IKZF1: variants seen among roughly 807,000 people sequenced by gnomAD.
IKZF1 encodes the protein IKAROS family zinc finger 1, also known as DNA-binding protein Ikaros.
IKZF1 carries 10 observed loss-of-function variants against 51.7 expected under a neutral mutation model. The ratio of observed to expected loss-of-function variants is 0.19; its 90% CI spans 0.12 to 0.33. The LOEUF is 0.33. Ranked by LOEUF, IKZF1 falls within the 10% of genes least tolerant of loss-of-function variation. IKZF1 has a pLI of 1.00. For synonymous variants in IKZF1, 280 were observed against 282.3 expected (o/e 0.99, Z 0.08); for missense variants, 484 against 707.5 (o/e 0.68, Z 3.58).
At chr7:50,344,698 A>T (rs901806600) in intron 3 of IKZF1, among the ~76,000 whole-genome samples, 9 of 152,208 alleles carry the variant, frequency 5.9e-5, no homozygotes, top group African/African-American at 2.2e-4. Context: ...ATCACATAAC[A>T]CAATGCAGTG....
At chr7:50,391,117 C>A (rs1422313305) in intron 6 of IKZF1, among the ~76,000 whole-genome samples, 1 of 152,150 alleles carries the variant, frequency 6.6e-6, no homozygotes, top group African/African-American at 2.4e-5. Context: ...TTGAGAATGA[C>A]TAGAAATGGC....
intron 1 of IKZF1, among the ~76,000 whole-genome samples, chr7:50,309,550 C>A (rs1411892865): frequency 6.6e-6 from 1 of 152,088 alleles, no homozygotes; most frequent in Non-Finnish European, 1.5e-5. Flanking sequence ...TTTTGAATGG[C>A]CTTACACATA....
At chr7:50,395,557 T>G (rs1438961254) in intron 7 of IKZF1, among the ~76,000 whole-genome samples, 1 of 152,220 alleles carries the variant, frequency 6.6e-6, no homozygotes, top group African/African-American at 2.4e-5. Context: ...TCACATTATC[T>G]TATTATTTTT....
chr7:50,403,887 A>G lies in IKZF1; in HGVS notation c.*3260A>G, dbSNP rs2153522692. On this transcript the variant is annotated 3_prime_UTR_variant, in exon 8 of 8. Coordinates refer to ENST00000331340, the MANE Select transcript of IKZF1 (RefSeq NM_006060.6). ...TCCTCTTCTTGCCAAAACAAACGCG[A>G]GATGAACTGGACTTATGTAGACAAA... 1 of 218,794 alleles carries G rather than the reference A, an allele frequency of 4.6e-6. No homozygotes were observed. Among genetic ancestry groups the G allele is most frequent in the South Asian group, 1.9e-4 (1 of 5,382 alleles). The allele number at this position is 218,794 out of a possible 1,614,324, so 13.6% of individuals were successfully genotyped here.
chr7:50,400,638 C>A lies in IKZF1; in HGVS notation c.*11C>A. On this transcript the variant is annotated 3_prime_UTR_variant, in exon 8 of 8. Coordinates refer to ENST00000331340, the MANE Select transcript of IKZF1 (RefSeq NM_006060.6). This position sits in a 1 kb window ranked among gnomAD's most constrained non-coding sequence, Gnocchi z 5.4. ...TTCCACATGAGCTAAAGCCCTCCCG[C>A]GCCCCCACCCCAGACCCCGAGCCAC... The A allele has an allele frequency of 6.3e-7, 1 of 1,599,158 alleles. No homozygotes were observed. The highest frequency in any genetic ancestry group is 8.5e-7 in the Non-Finnish European group (1 of 1,177,524).
chr7:50,346,227 G>C (rs1800320082), intron 3 of IKZF1, among the ~76,000 whole-genome samples: 1 of 152,182 alleles, frequency 6.6e-6, no homozygotes, highest in Non-Finnish European at 1.5e-5. Flanking sequence ...TGGATGGAAG[G>C]CTGTCGAGAG....
chr7:50,345,069 T>A (rs566823286), intron 3 of IKZF1, among the ~76,000 whole-genome samples: 2 of 152,144 alleles, frequency 1.3e-5, no homozygotes, highest in African/African-American at 4.8e-5. Context: ...AGCTTTGCTA[T>A]ATAATTAAAA....
intron 5 of IKZF1, among the ~76,000 whole-genome samples, chr7:50,386,654 C>T (rs572955569): frequency 5.9e-5 from 9 of 151,616 alleles, no homozygotes; most frequent in African/African-American, 2.2e-4. Flanking sequence ...TATACATATA[C>T]ATAAAATAGA....
chr7:50,307,261 AT>A (rs146153005), intron 1 of IKZF1, among the ~76,000 whole-genome samples: 5,085 of 149,400 alleles, frequency 0.034, 287 homozygotes, highest in African/African-American at 0.11. Flanking sequence ...GTTTTGTGGC[AT>A]TTTTTTTTTC....
chr7:50,361,885 A>G lies in IKZF1; in HGVS notation c.161-14648A>G, dbSNP rs148623773. On this transcript the variant is annotated intron_variant, in intron 3 of 7. Coordinates refer to ENST00000331340, the MANE Select transcript of IKZF1 (RefSeq NM_006060.6). ...GCAAGACTCCATCTCAAAAAAGAAA[A>G]AAAAAGCTAATCCCATAAAAGAACC... is the stretch of plus-strand genomic sequence containing the variant. 2.4e-3 allele frequency among the ~76,000 whole-genome samples: 365 copies of G among 152,268 alleles called. 1 individual carries two copies. Among genetic ancestry groups the G allele is most frequent in the African/African-American group, 7.8e-3 (322 of 41,546 alleles).
intron 3 of IKZF1, among the ~76,000 whole-genome samples, chr7:50,363,011 C>G (rs1412292165): frequency 6.6e-6 from 1 of 152,136 alleles, no homozygotes; most frequent in African/African-American, 2.4e-5. Flanking sequence ...GAATGGAGAC[C>G]TCTCCAAAGA....
At chr7:50,390,890 G>A (rs1157894560) in intron 6 of IKZF1, among the ~76,000 whole-genome samples, 1 of 152,182 alleles carries the variant, frequency 6.6e-6, no homozygotes, top group Admixed American at 6.5e-5. Context: ...TCCGAGGCAG[G>A]AGGAAGCATA....
intron 3 of IKZF1, among the ~76,000 whole-genome samples, chr7:50,339,659 C>A (rs1266532938): frequency 2.7e-5 from 4 of 150,818 alleles, no homozygotes; most frequent in African/African-American, 9.8e-5. Flanking sequence ...AAGGCTGAGG[C>A]AGAAGAATCG....
chr7:50,400,620 T>G lies in IKZF1; in HGVS notation c.1553T>G (p.Met518Arg). Residue 518 changes from methionine to arginine, a missense_variant, in exon 8 of 8, where the codon ATG becomes AGG. Around this residue, in one of 6 missense-constraint regions of IKZF1, gnomAD observed 42 missense variants for 84.4 expected, o/e 0.50. Transcript: ENST00000331340. This position sits in a 1 kb window ranked among gnomAD's most constrained non-coding sequence, Gnocchi z 5.4. ...ACGCGAGGGGAGCACCGCTTCCACA[T>G]GAGCTAAAGCCCTCCCGCGCCCCCA... is the stretch of plus-strand genomic sequence containing the variant. Reference protein sequence around the residue: ...HITRGEHRFHMS With the variant: ...HITRGEHRFHRS 3 of 1,608,942 alleles carry G rather than the reference T, an allele frequency of 1.9e-6. No homozygotes were observed. Among genetic ancestry groups the G allele is most frequent in the Middle Eastern group, 1.7e-4 (1 of 6,060 alleles).
chr7:50,340,919 G>T (rs1433414620), intron 3 of IKZF1, among the ~76,000 whole-genome samples: 1 of 152,160 alleles, frequency 6.6e-6, no homozygotes, highest in African/African-American at 2.4e-5. Context: ...GCATTTACTC[G>T]CAGTTTTAAA....
In IKZF1 at chr7:50,319,043, C is replaced by T. The variant is rs1792370349; in HGVS notation, c.-14-5C>T. 3 of 1,606,514 alleles carry T rather than the reference C, an allele frequency of 1.9e-6. No individual in the cohort carries two copies. The highest frequency in any genetic ancestry group is 2.6e-6 in the Non-Finnish European group (3 of 1,173,904). ...TAAACTAAAATCCCTTCCTCTCTTT[C>T]TCAGATAACCTGAGGACCATGGATG... On this transcript the variant is annotated splice_polypyrimidine_tract_variant and splice_region_variant and intron_variant, in intron 1 of 7. Transcript: ENST00000331340.
At chr7:50,395,327 G>T (rs1816405837) in intron 7 of IKZF1, among the ~76,000 whole-genome samples, 1 of 151,944 alleles carries the variant, frequency 6.6e-6, no homozygotes, top group Non-Finnish European at 1.5e-5. Flanking sequence ...GGTGAAAAAA[G>T]ACCCAAACAA....
chr7:50,343,845 G>A (rs532206449), intron 3 of IKZF1, among the ~76,000 whole-genome samples: 1 of 152,258 alleles, frequency 6.6e-6, no homozygotes, highest in East Asian at 1.9e-4. Flanking sequence ...ACTTGCTTTT[G>A]TATATTTGAG....
intron 7 of IKZF1, among the ~76,000 whole-genome samples, chr7:50,399,061 T>G (rs115046742): frequency 0.013 from 2,024 of 152,270 alleles, 44 homozygotes; most frequent in African/African-American, 0.044. Flanking sequence ...AGATCAGAAG[T>G]TTCTCAAGGC....
Sources: allele counts gnomAD v4.1 joint callset (sites outside exome capture counted in the v4.1 genomes callset), GRCh38; gene constraint gnomAD v4.1.1; regional missense constraint gnomAD v4.1.1; non-coding constraint Gnocchi (gnomAD v3.1); transcripts MANE v1.5; gene names NCBI Gene and HGNC (gene_info 2026-07-23, HGNC 2026-07-21).